APP: variants seen among roughly 807,000 people sequenced by gnomAD.
APP encodes amyloid beta precursor protein, also known as amyloid-beta precursor protein.
In APP, 31 loss-of-function variants were observed where a neutral mutation model predicts 101.4. That is an observed-to-expected ratio of 0.31 (90% CI 0.23 to 0.41). APP has a LOEUF of 0.41. Ranked by LOEUF, APP falls within the 10% of genes least tolerant of loss-of-function variation. APP has a pLI of 1.00. For missense variants in APP, 839 were observed against 1,003.7 expected (o/e 0.84, Z 2.22); for synonymous variants, 366 against 364.4 (o/e 1.00, Z -0.05).
In APP at chr21:26,015,256, G is replaced by A. The variant is rs574933932; in HGVS notation, c.865+6584C>T. Among the ~76,000 whole-genome samples, 3 of 246 alleles carry A rather than the reference G, an allele frequency of 0.012. 1 individual carries two copies. In the East Asian group the frequency reaches 0.3, roughly 25 times the overall value. 0.2% of individuals were successfully genotyped at this position (246 alleles called of 152,430 possible). On this transcript the variant is annotated intron_variant, in intron 6 of 17. Transcript: ENST00000346798. ...AATGTTTCAAATGCAATGGAGGATCGGAATGATGATATAACCATAACTAAG... is the reference window on the plus strand; with the variant it reads ...AATGTTTCAAATGCAATGGAGGATCAGAATGATGATATAACCATAACTAAG...
intron 1 of APP, among the ~76,000 whole-genome samples, chr21:26,114,794 T>C (rs2062400191): frequency 6.6e-6 from 1 of 152,226 alleles, no homozygotes; most frequent in Non-Finnish European, 1.5e-5. Flanking sequence ...TAATGTCATC[T>C]GTTGGCATAT....
At chr21:25,967,931 C>T (rs1244689959) in intron 11 of APP, among the ~76,000 whole-genome samples, 1 of 152,140 alleles carries the variant, frequency 6.6e-6, no homozygotes, top group African/African-American at 2.4e-5. Context: ...TCTGGAGAGG[C>T]ATTTAATTCT....
At chr21:26,143,533 T>C (rs2063092631) in intron 1 of APP, among the ~76,000 whole-genome samples, 1 of 152,198 alleles carries the variant, frequency 6.6e-6, no homozygotes, top group Admixed American at 6.5e-5. Flanking sequence ...AATTAACATA[T>C]CCATCACCTC....
chr21:25,947,878 G>A (rs1335727668), intron 13 of APP, among the ~76,000 whole-genome samples: 4 of 151,692 alleles, frequency 2.6e-5, no homozygotes, highest in South Asian at 2.1e-4. Flanking sequence ...GGTGGCACAC[G>A]TCTGTAGTCT....
chr21:25,976,106 T>C (rs2042213927), intron 9 of APP, 78 bp from the exon 10 acceptor site: 1 of 1,220,268 alleles, frequency 8.2e-7, no homozygotes, highest in Non-Finnish European at 1.2e-6. Context: ...TGGATGATTA[T>C]GTTTTTCCTC....
At chr21:26,055,568 T>C (rs1192039323) in intron 3 of APP, among the ~76,000 whole-genome samples, 3 of 152,166 alleles carry the variant, frequency 2.0e-5, no homozygotes, top group East Asian at 3.9e-4. Context: ...GGACTAACCC[T>C]AGCTGCTTGG....
At chr21:26,004,425 T>C (rs1403057026) in intron 6 of APP, among the ~76,000 whole-genome samples, 2 of 142,358 alleles carry the variant, frequency 1.4e-5, no homozygotes, top group Non-Finnish European at 3.0e-5. Flanking sequence ...CCTGAGTAGC[T>C]GGGATTACAA....
At chr21:26,142,072 T>C (rs946263731) in intron 1 of APP, among the ~76,000 whole-genome samples, 1 of 152,166 alleles carries the variant, frequency 6.6e-6, no homozygotes, top group African/African-American at 2.4e-5. Flanking sequence ...GTATCCAGAA[T>C]CCAGATGTTA....
chr21:26,113,031 G>A (rs1200296669), intron 1 of APP, among the ~76,000 whole-genome samples: 2 of 151,928 alleles, frequency 1.3e-5, no homozygotes, highest in African/African-American at 2.4e-5. Flanking sequence ...TATCTATACC[G>A]TGTCACTTAA....
intron 1 of APP, among the ~76,000 whole-genome samples, chr21:26,153,265 AAC>A: frequency 6.6e-6 from 1 of 152,306 alleles, no homozygotes; most frequent in South Asian, 2.1e-4. Flanking sequence ...AGTAACAAGA[AAC>A]CACTTGTACC....
chr21:25,957,435 G>C (rs2041371164), intron 11 of APP, among the ~76,000 whole-genome samples: 1 of 152,130 alleles, frequency 6.6e-6, no homozygotes, highest in African/African-American at 2.4e-5. Context: ...TTGATATGCA[G>C]AGTTGTGTGA....
chr21:26,048,513 G>A (rs969485523), intron 5 of APP, among the ~76,000 whole-genome samples: 1 of 152,106 alleles, frequency 6.6e-6, no homozygotes, highest in Admixed American at 6.5e-5. Flanking sequence ...GGCTGGATAA[G>A]CTTTCTACAA....
intron 13 of APP, among the ~76,000 whole-genome samples, chr21:25,917,716 C>G (rs771420304): frequency 6.6e-6 from 1 of 152,190 alleles, no homozygotes; most frequent in Admixed American, 6.5e-5. Context: ...GGAGGTGCCA[C>G]TCAGCCTTTT....
At position 26,037,522 on chromosome 21, in the gene APP, G is replaced by A. The variant is rs527911336; in HGVS notation, c.662+13478C>T. 5.9e-4 allele frequency among the ~76,000 whole-genome samples: 90 copies of A among 152,152 alleles called. 1 individual carries two copies. Among genetic ancestry groups the A allele is most frequent in the Admixed American group, 9.8e-4 (15 of 15,276 alleles). On this transcript the variant is annotated intron_variant, in intron 5 of 17. Transcript: ENST00000346798. ...TTAAAAAGGTACCTTTTAATGAACG[G>A]TCTATGCTTAAAATGTTGCTAGGTG...
intron 6 of APP, among the ~76,000 whole-genome samples, chr21:26,017,214 A>AG (rs2044131489): frequency 1.3e-5 from 2 of 149,780 alleles, no homozygotes; most frequent in African/African-American, 4.9e-5. Context: ...AAAAAAAAAA[A>AG]AAAATTCTTG....
chr21:26,152,225 C>A (rs1402429112), intron 1 of APP, among the ~76,000 whole-genome samples: 1 of 137,600 alleles, frequency 7.3e-6, no homozygotes, highest in Admixed American at 8.2e-5. Context: ...GCGGAGCTTG[C>A]AGTGAGCCGA....
At chr21:26,063,538 A>G (rs1027791497) in intron 3 of APP, among the ~76,000 whole-genome samples, 1 of 152,128 alleles carries the variant, frequency 6.6e-6, no homozygotes, top group African/African-American at 2.4e-5. Flanking sequence ...AAAAAAAAAA[A>G]GAGGCTATGT....
intron 5 of APP, among the ~76,000 whole-genome samples, chr21:26,038,882 G>A (rs534024572): frequency 3.9e-5 from 6 of 152,228 alleles, no homozygotes; most frequent in South Asian, 2.1e-4. Flanking sequence ...CCAATTAGTC[G>A]TTTTGGAAGC....
intron 1 of APP, among the ~76,000 whole-genome samples, chr21:26,152,569 G>A (rs1316859902): frequency 6.6e-6 from 1 of 151,990 alleles, no homozygotes; most frequent in African/African-American, 2.4e-5. Context: ...ACATTTGTGG[G>A]TGGTAGGATT....
Sources: allele counts gnomAD v4.1 joint callset (sites outside exome capture counted in the v4.1 genomes callset), GRCh38; gene constraint gnomAD v4.1.1; transcripts MANE v1.5; gene names NCBI Gene and HGNC (gene_info 2026-07-23, HGNC 2026-07-21).